Variants in PALS2 observed in about 807,000 individuals in gnomAD.
The protein encoded by PALS2 is protein PALS2.
In PALS2, 27 loss-of-function variants were observed where a neutral mutation model predicts 61.6. The ratio of observed to expected loss-of-function variants is 0.44; its 90% confidence interval spans 0.32 to 0.60. The LOEUF (loss-of-function observed/expected upper bound fraction) is 0.60. Among genes scored for constraint, PALS2 ranks in the 20% least tolerant of loss-of-function variants. The probability of loss-of-function intolerance (pLI) is 0.05; values close to 1 mark genes in which losing one functional copy is unlikely to be tolerated. For synonymous variants in PALS2, 236 were observed against 218.6 expected (o/e 1.08, Z -0.70); for missense variants, 554 against 639.4 (o/e 0.87, Z 1.44).
chr7:24,671,899 G>C (rs185911736), intron 9 of PALS2, among the ~76,000 whole-genome samples: 1 of 151,694 alleles, frequency 6.6e-6, no homozygotes, highest in African/African-American at 2.4e-5. Flanking sequence ...CATTAACCTA[G>C]ATGTCTGTCC....
At chr7:24,677,271 G>A (rs1054463733) in intron 9 of PALS2, among the ~76,000 whole-genome samples, 54 of 152,068 alleles carry the variant, frequency 3.6e-4, no homozygotes, top group Non-Finnish European at 1.0e-4. Flanking sequence ...GAGATTTTGG[G>A]CTGAGACAAT....
intron 1 of PALS2, among the ~76,000 whole-genome samples, chr7:24,594,802 G>A (rs923371681): frequency 4.6e-5 from 7 of 152,062 alleles, no homozygotes; most frequent in Non-Finnish European, 7.4e-5. Flanking sequence ...CCCCATGAAT[G>A]TGTGTATTTA....
chr7:24,656,075 G>GA (rs1176639633), intron 5 of PALS2, among the ~76,000 whole-genome samples: 1 of 152,176 alleles, frequency 6.6e-6, no homozygotes, highest in African/African-American at 2.4e-5. Flanking sequence ...TAGTGTCATG[G>GA]AAAATCTCTT....
At chr7:24,610,762 C>T (rs1030163219) in intron 1 of PALS2, among the ~76,000 whole-genome samples, 1 of 152,022 alleles carries the variant, frequency 6.6e-6, no homozygotes. Flanking sequence ...AATGTTGCTG[C>T]TGTATTGCAA....
intron 2 of PALS2, among the ~76,000 whole-genome samples, chr7:24,633,155 C>T (rs1354980201): frequency 6.6e-6 from 1 of 151,446 alleles, no homozygotes; most frequent in Non-Finnish European, 1.5e-5. Context: ...CCTTTTTTTT[C>T]TCTAGCACTC....
intron 9 of PALS2, 43 bp from the exon 10 acceptor site, chr7:24,679,088 C>A: frequency 6.3e-7 from 1 of 1,578,590 alleles, no homozygotes; most frequent in South Asian, 1.1e-5. Flanking sequence ...TTTTTATGCC[C>A]TAAAATTTCT....
At chr7:24,662,851 A>T (rs1261481903) in intron 5 of PALS2, among the ~76,000 whole-genome samples, 1 of 151,964 alleles carries the variant, frequency 6.6e-6, no homozygotes, top group Non-Finnish European at 1.5e-5. Flanking sequence ...CCAAAAATGC[A>T]TAATTTAATT....
chr7:24,627,362 A>C (rs747815092), intron 2 of PALS2, among the ~76,000 whole-genome samples: 9 of 152,238 alleles, frequency 5.9e-5, no homozygotes, highest in Non-Finnish European at 1.2e-4. Context: ...CAGCTAAAGC[A>C]GTGTTTAGAG....
At chr7:24,672,362 G>C (rs1461160487) in intron 9 of PALS2, among the ~76,000 whole-genome samples, 5 of 151,726 alleles carry the variant, frequency 3.3e-5, no homozygotes, top group Non-Finnish European at 4.4e-5. Context: ...CCAGTAGCTG[G>C]GATTACAGGC....
intron 2 of PALS2, among the ~76,000 whole-genome samples, chr7:24,636,065 A>T (rs1785221250): frequency 6.6e-6 from 1 of 152,026 alleles, no homozygotes; most frequent in Non-Finnish European, 1.5e-5. Flanking sequence ...TACAAAAATT[A>T]GCCAGGCATG....
chr7:24,660,893 G>A (rs1786684582), intron 5 of PALS2, among the ~76,000 whole-genome samples: 1 of 152,150 alleles, frequency 6.6e-6, no homozygotes, highest in South Asian at 2.1e-4. Flanking sequence ...AAAATACAAG[G>A]ATTTCTGCTA....
intron 1 of PALS2, among the ~76,000 whole-genome samples, chr7:24,598,705 G>A (rs930346584): frequency 6.6e-5 from 10 of 152,118 alleles, no homozygotes; most frequent in African/African-American, 2.4e-4. Flanking sequence ...TATGAGCAAG[G>A]TTTTATGTGT....
At position 24,573,493 on chromosome 7, in the gene PALS2, G is replaced by T. The variant is rs1423385781; in HGVS notation, c.-103G>T. 12 of 385,372 alleles carry T rather than the reference G, an allele frequency of 3.1e-5. No individual in the cohort carries two copies. The highest frequency in any genetic ancestry group is 6.5e-4 in the Middle Eastern group (1 of 1,542). 23.9% of individuals were successfully genotyped at this position (385,372 alleles called of 1,614,324 possible). On this transcript the variant is annotated 5_prime_UTR_variant, in exon 1 of 12. Transcript: ENST00000222644. This position sits in a 1 kb window ranked among gnomAD's most constrained non-coding sequence, Gnocchi z 5.3. ...ACTACGAGCCACGAGTTTGCAGATG[G>T]GGCTGCTCGGCGGCGCCTGTGGCTG...
At position 24,690,498 on chromosome 7, in the gene PALS2, G is replaced by A. The variant is rs1788418507; in HGVS notation, c.*2884G>A. 6.6e-6 allele frequency: 1 copy of A among 152,164 alleles called. No homozygotes were observed. Among genetic ancestry groups the A allele is most frequent in the East Asian group, 1.9e-4 (1 of 5,198 alleles). 9.4% of individuals were successfully genotyped at this position (152,164 alleles called of 1,614,324 possible). A position where few individuals can be genotyped will look rare whatever the true frequency, so the allele number is the denominator to read the frequency against. ...TGTGCCTGAGGGCTCCTTGTGGATA[G>A]GTCAGTGTCCACATTTCAGCACTCA... is the stretch of plus-strand genomic sequence containing the variant. On this transcript the variant is annotated 3_prime_UTR_variant, in exon 12 of 12. Transcript: ENST00000222644.
At chr7:24,634,521 C>T (rs1483983219) in intron 2 of PALS2, among the ~76,000 whole-genome samples, 1 of 152,210 alleles carries the variant, frequency 6.6e-6, no homozygotes, top group Non-Finnish European at 1.5e-5. Flanking sequence ...TGAGCCACCA[C>T]GCCCGGCTGA....
intron 5 of PALS2, among the ~76,000 whole-genome samples, chr7:24,652,119 C>G (rs1786184831): frequency 6.6e-6 from 1 of 152,110 alleles, no homozygotes; most frequent in Non-Finnish European, 1.5e-5. Flanking sequence ...TTTGTGACAG[C>G]CTGAGGCCTT....
chr7:24,686,487 A>C (rs375212101), intron 11 of PALS2, among the ~76,000 whole-genome samples: 2 of 152,148 alleles, frequency 1.3e-5, no homozygotes, highest in African/African-American at 4.8e-5. Flanking sequence ...CCTCTGCCTG[A>C]ATGCTGACCT....
intron 2 of PALS2, among the ~76,000 whole-genome samples, chr7:24,639,828 T>C (rs1184579749): frequency 6.9e-6 from 1 of 145,290 alleles, no homozygotes; most frequent in Non-Finnish European, 1.5e-5. Flanking sequence ...TTTTTTTTTT[T>C]TTTTTTTTTT....
chr7:24,665,987 C>T (rs949131130), intron 7 of PALS2, 34 bp from the exon 8 acceptor site: 1 of 1,563,638 alleles, frequency 6.4e-7, no homozygotes, highest in East Asian at 2.2e-5. Context: ...TTCTGATATA[C>T]TGCTTAAGTT....
Sources: gnomAD v4.1 joint callset for allele counts (sites outside exome capture counted in the v4.1 genomes callset) on GRCh38, gnomAD v4.1.1 for gene constraint, Gnocchi (gnomAD v3.1) non-coding constraint, MANE v1.5 for transcripts, NCBI Gene and HGNC (gene_info 2026-07-23, HGNC 2026-07-21) for gene names.